The following SERPINB12 variants were observed in gnomAD, a reference collection of about 807,000 sequenced individuals.
SERPINB12 encodes the protein serpin B12.
A neutral mutation model predicts 41.1 loss-of-function variants in SERPINB12; 57 were observed. The ratio of observed to expected loss-of-function variants is 1.39; its 90% confidence interval spans 1.12 to 1.73. SERPINB12 has a LOEUF of 1.73. Ranked by LOEUF, SERPINB12 falls within the 40% of genes most tolerant of loss-of-function variation. The pLI, the probability that SERPINB12 is intolerant of heterozygous loss-of-function variation, is 0.00. For missense variants in SERPINB12, 536 were observed against 501.9 expected (o/e 1.07, Z -0.65); for synonymous variants, 180 against 181.3 (o/e 0.99, Z 0.06).
the SERPINB12 span, among the ~76,000 whole-genome samples, chr18:63,524,019 T>C: frequency 1.3e-5 from 2 of 152,086 alleles, no homozygotes; most frequent in African/African-American, 4.8e-5. Flanking sequence ...AATAGGGAAA[T>C]TAAATGGATC....
At chr18:63,557,520 A>T (rs1444317090) in intron 2 of SERPINB12, among the ~76,000 whole-genome samples, 2 of 152,214 alleles carry the variant, frequency 1.3e-5, no homozygotes, top group Non-Finnish European at 2.9e-5. Context: ...CTGAATATGG[A>T]GCAGTAGAAT....
chr18:63,531,650 T>C, the SERPINB12 span, among the ~76,000 whole-genome samples: 1 of 152,204 alleles, frequency 6.6e-6, no homozygotes, highest in African/African-American at 2.4e-5. Flanking sequence ...TGCCTGGCAA[T>C]AGTAAATATT....
At chr18:63,530,592 G>T in the SERPINB12 span, among the ~76,000 whole-genome samples, 1 of 152,182 alleles carries the variant, frequency 6.6e-6, no homozygotes, top group African/African-American at 2.4e-5. Flanking sequence ...TCCCACTGCT[G>T]CCTTGAAGAG....
chr18:63,556,036 T>C (rs1281532380), intron 1 of SERPINB12, 106 bp from the exon 2 acceptor site: 3 of 813,558 alleles, frequency 3.7e-6, no homozygotes, highest in Non-Finnish European at 6.0e-6. Context: ...AATAGCATAC[T>C]GAATAATTGT....
chr18:63,538,122 A>AAGCCTTGATCTGTT (rs1910209320), upstream of SERPINB12, among the ~76,000 whole-genome samples: 1 of 152,196 alleles, frequency 6.6e-6, no homozygotes, highest in Non-Finnish European at 1.5e-5. Context: ...TTTAGGCACC[A>AAGCCTTGATCTGTT]GGACTTCTGC....
intron 1 of SERPINB12, among the ~76,000 whole-genome samples, chr18:63,547,499 G>T (rs1296383515): frequency 6.6e-6 from 1 of 151,910 alleles, no homozygotes; most frequent in Admixed American, 6.6e-5. Context: ...GCATCTATTT[G>T]TGTAAAGTTT....
At chr18:63,522,046 T>A in the SERPINB12 span, among the ~76,000 whole-genome samples, 3 of 152,246 alleles carry the variant, frequency 2.0e-5, no homozygotes, top group Non-Finnish European at 4.4e-5. Flanking sequence ...TCTATAGTAA[T>A]CCTGATTTTT....
rs1156590259 is a variant in SERPINB12 at position 63,567,541 on chromosome 18, G to A, written c.*530G>A. The stretch of plus-strand genomic sequence containing the variant: ...TTCCTTTGACAGCTACTGCATGGAA[G>A]ATGTCCTGTGAGGTCTTTTCACCTA... On this transcript the variant is annotated 3_prime_UTR_variant, in exon 8 of 8. Coordinates refer to ENST00000382768, the MANE Select transcript of SERPINB12 (RefSeq NM_001307928.2). Among the ~76,000 whole-genome samples, 1 of 152,210 alleles carries A rather than the reference G, an allele frequency of 6.6e-6. No individual in the cohort carries two copies. Among genetic ancestry groups the A allele is most frequent in the African/African-American group, 2.4e-5 (1 of 41,448 alleles).
chr18:63,536,643 C>A, the SERPINB12 span, among the ~76,000 whole-genome samples: 1,900 of 152,218 alleles, frequency 0.012, 23 homozygotes, highest in South Asian at 0.054. Flanking sequence ...ATCCATTTCA[C>A]CCAATGAGGA....
rs1209251331 is a variant in SERPINB12 at position 63,569,099 on chromosome 18, G to A, written c.*2088G>A. ...CCTATATATAGGCCTGCACTGCCCG[G>A]CATTTCTTTTGTTCTTATTCTTTTA... On this transcript the variant is annotated 3_prime_UTR_variant, in exon 8 of 8. Transcript: ENST00000382768. Among the ~76,000 whole-genome samples the A allele has an allele frequency of 6.6e-6, 1 of 151,380 alleles. No homozygotes were observed. The highest frequency in any genetic ancestry group is 6.6e-5 in the Admixed American group (1 of 15,164).
At chr18:63,546,165 A>C (rs1910383026) in intron 1 of SERPINB12, among the ~76,000 whole-genome samples, 1 of 152,162 alleles carries the variant, frequency 6.6e-6, no homozygotes, top group South Asian at 2.1e-4. Context: ...GTTGTCTGAC[A>C]ACAAGTTAGA....
At chr18:63,535,533 A>G in the SERPINB12 span, among the ~76,000 whole-genome samples, 1,882 of 152,312 alleles carry the variant, frequency 0.012, 16 homozygotes, top group Non-Finnish European at 0.02. Context: ...CATGAAAGTC[A>G]AAGAAAGGCA....
At chr18:63,562,184 G>C (rs113784369) in intron 5 of SERPINB12, among the ~76,000 whole-genome samples, 19 of 152,302 alleles carry the variant, frequency 1.2e-4, no homozygotes, top group African/African-American at 4.6e-4. Flanking sequence ...GTGGGGCTTA[G>C]AGAATGCTCC....
chr18:63,553,416 G>A (rs1910583698), intron 1 of SERPINB12, among the ~76,000 whole-genome samples: 1 of 152,154 alleles, frequency 6.6e-6, no homozygotes, highest in Non-Finnish European at 1.5e-5. Context: ...GAGTAGTCAT[G>A]TCCTTTCTAA....
At chr18:63,534,603 A>G in the SERPINB12 span, among the ~76,000 whole-genome samples, 62 of 152,284 alleles carry the variant, frequency 4.1e-4, no homozygotes, top group African/African-American at 1.4e-3. Flanking sequence ...TGAAATTCAC[A>G]AACTTTTTTT....
the SERPINB12 span, among the ~76,000 whole-genome samples, chr18:63,520,027 G>A: frequency 2.6e-5 from 4 of 152,102 alleles, no homozygotes; most frequent in Non-Finnish European, 4.4e-5. Flanking sequence ...CATGTGAAAC[G>A]CGCTCATCAG....
chr18:63,528,985 G>A, the SERPINB12 span, among the ~76,000 whole-genome samples: 1 of 152,196 alleles, frequency 6.6e-6, no homozygotes, highest in South Asian at 2.1e-4. Context: ...ACTCCTGGAA[G>A]TAGATAGTGC....
upstream of SERPINB12, among the ~76,000 whole-genome samples, chr18:63,539,580 G>A (rs1413463192): frequency 6.6e-6 from 1 of 151,926 alleles, no homozygotes. Flanking sequence ...CTCATCAGGT[G>A]CCCCCCACCC....
At chr18:63,526,670 A>G in the SERPINB12 span, among the ~76,000 whole-genome samples, 1 of 152,232 alleles carries the variant, frequency 6.6e-6, no homozygotes, top group Non-Finnish European at 1.5e-5. Context: ...TACTTGGGAT[A>G]AAACAGTTTG....
Sources: allele counts gnomAD v4.1 joint callset (sites outside exome capture counted in the v4.1 genomes callset), GRCh38; gene constraint gnomAD v4.1.1; transcripts MANE v1.5; gene names NCBI Gene and HGNC (gene_info 2026-07-23, HGNC 2026-07-21).